Variants in ARHGAP6 observed in about 807,000 individuals in gnomAD.
The protein encoded by ARHGAP6 is Rho GTPase activating protein 6.
In ARHGAP6, 16 loss-of-function variants were observed where a neutral mutation model predicts 55.7. The ratio of observed to expected loss-of-function variants is 0.29; its 90% confidence interval spans 0.19 to 0.44. ARHGAP6 has a LOEUF of 0.44. ARHGAP6 is among the 20% of genes least tolerant of loss of function. The pLI, the probability that ARHGAP6 is intolerant of heterozygous loss-of-function variation, is 1.00. For missense variants in ARHGAP6, 698 were observed against 808.9 expected, an observed-to-expected ratio of 0.86 and a Z score of 1.66; for synonymous variants, 382 against 360.9, an observed-to-expected ratio of 1.06 and a Z score of -0.66.
intron 1 of ARHGAP6, among the ~76,000 whole-genome samples, chrX:11,635,790 C>A (rs752024369): frequency 1.7e-4 from 19 of 111,730 alleles, no homozygotes; most frequent in Non-Finnish European, 3.0e-4. Context: ...AGCAACTCAG[C>A]AAGAATGTGT....
In ARHGAP6 at chrX:11,267,119, C is replaced by T. The variant is rs1424909706; in HGVS notation, c.589-12412G>A. 1.2e-4 allele frequency among the ~76,000 whole-genome samples: 13 copies of T among 111,981 alleles called. No homozygotes were observed. The Admixed American group carries it at 1.2e-3, about 11-fold the overall frequency. ...GTCAACATGGCTCATACTGGATACTCATCAATGGAAGTTACATCCTCATTT... is the reference window on the plus strand; with the variant it reads ...GTCAACATGGCTCATACTGGATACTTATCAATGGAAGTTACATCCTCATTT... On this transcript the variant is annotated intron_variant, in intron 1 of 12. Transcript: ENST00000337414.
intron 1 of ARHGAP6, among the ~76,000 whole-genome samples, chrX:11,365,095 AAGAGAAACAAAAAG>A (rs1328637718): frequency 8.9e-6 from 1 of 112,082 alleles, no homozygotes; most frequent in Non-Finnish European, 1.9e-5. Context: ...CCTGCTATGA[AAGAGAAACAAAAAG>A]AGATAAACTG....
intron 1 of ARHGAP6, among the ~76,000 whole-genome samples, chrX:11,389,948 A>C (rs2049382293): frequency 8.9e-6 from 1 of 112,042 alleles, no homozygotes; most frequent in Non-Finnish European, 1.9e-5. Context: ...CTAGAAGTCT[A>C]TTCTAGAGAA....
intron 1 of ARHGAP6, among the ~76,000 whole-genome samples, chrX:11,456,658 A>G (rs1404410647): frequency 9.0e-6 from 1 of 111,637 alleles, no homozygotes; most frequent in African/African-American, 3.3e-5. Context: ...TCTGCATACC[A>G]CAGTACGTGA....
At chrX:11,298,091 T>C in intron 1 of ARHGAP6, 2 of 1,211,215 alleles carry the variant, frequency 1.7e-6, no homozygotes, top group Non-Finnish European at 2.2e-6. Context: ...TACCTTCTTC[T>C]TTCTTTTGTA....
chrX:11,584,645 T>C (rs780117169), intron 1 of ARHGAP6, among the ~76,000 whole-genome samples: 1 of 111,598 alleles, frequency 9.0e-6, no homozygotes, highest in South Asian at 3.8e-4. Flanking sequence ...GTTGGAGTAT[T>C]ATGAATTGCC....
chrX:11,288,786 A>T (rs959419688), intron 1 of ARHGAP6, among the ~76,000 whole-genome samples: 6 of 112,033 alleles, frequency 5.4e-5, no homozygotes, highest in Non-Finnish European at 1.1e-4. Flanking sequence ...TCCTTCACTG[A>T]ATGTAATGTT....
At chrX:11,360,082 G>T (rs2147690498) in intron 1 of ARHGAP6, among the ~76,000 whole-genome samples, 1 of 111,540 alleles carries the variant, frequency 9.0e-6, no homozygotes, top group South Asian at 3.8e-4. Context: ...GAGGTACAAG[G>T]AGGAACCAGT....
chrX:11,174,641 T>TTCTTTCTCTTTCTTTTCTG (rs1339732506), intron 8 of ARHGAP6, among the ~76,000 whole-genome samples: 2 of 79,726 alleles, frequency 2.5e-5, no homozygotes, highest in Admixed American at 1.5e-4. Flanking sequence ...CTTTCTTTCT[T>TTCTTTCTCTTTCTTTTCTG]TCTTTCTTTC....
intron 1 of ARHGAP6, among the ~76,000 whole-genome samples, chrX:11,596,268 T>A (rs751291926): frequency 3.0e-4 from 34 of 112,003 alleles, no homozygotes; most frequent in African/African-American, 1.1e-3. Flanking sequence ...TTCATGTCCT[T>A]TGCAGGGACG....
chrX:11,422,137 T>C (rs1490631214), intron 1 of ARHGAP6, among the ~76,000 whole-genome samples: 1 of 110,785 alleles, frequency 9.0e-6, no homozygotes, highest in Non-Finnish European at 1.9e-5. Context: ...TACCAAGTGG[T>C]GATGTGAACA....
At chrX:11,607,379 C>G (rs1305252994) in intron 1 of ARHGAP6, among the ~76,000 whole-genome samples, 1 of 111,406 alleles carries the variant, frequency 9.0e-6, no homozygotes, top group African/African-American at 3.3e-5. Context: ...TCTGAAGTAC[C>G]CCGAAAAGGC....
At chrX:11,520,393 T>C (rs184181995) in intron 1 of ARHGAP6, among the ~76,000 whole-genome samples, 1 of 104,287 alleles carries the variant, frequency 9.6e-6, no homozygotes, top group East Asian at 3.1e-4. Context: ...TTTCGACCTA[T>C]GAGTGAGAAC....
chrX:11,527,479 G>A (rs1423123785), intron 1 of ARHGAP6, among the ~76,000 whole-genome samples: 3 of 111,517 alleles, frequency 2.7e-5, no homozygotes, highest in African/African-American at 9.8e-5. Flanking sequence ...GGGTGTGGTG[G>A]CACACGCCTA....
At chrX:11,191,213 G>A (rs756709005) in intron 3 of ARHGAP6, among the ~76,000 whole-genome samples, 39 of 112,240 alleles carry the variant, frequency 3.5e-4, no homozygotes, top group African/African-American at 9.7e-4. Flanking sequence ...TAAGGTGCTC[G>A]CATTCAGCGT....
intron 1 of ARHGAP6, among the ~76,000 whole-genome samples, chrX:11,608,285 T>A (rs1053544622): frequency 4.5e-5 from 5 of 111,934 alleles, no homozygotes; most frequent in Non-Finnish European, 1.9e-5. Context: ...TTCTGGTACA[T>A]TTTAGTGTTC....
intron 1 of ARHGAP6, among the ~76,000 whole-genome samples, chrX:11,341,340 C>G (rs1331912092): frequency 4.5e-5 from 5 of 111,203 alleles, no homozygotes; most frequent in African/African-American, 1.6e-4. Context: ...TGTTCATGGT[C>G]AAAGTACTGA....
chrX:11,303,405 G>A (rs1447616118), intron 1 of ARHGAP6, among the ~76,000 whole-genome samples: 4 of 111,894 alleles, frequency 3.6e-5, no homozygotes, highest in African/African-American at 1.3e-4. Flanking sequence ...AATAAGATTG[G>A]GCTGGGAGTG....
chrX:11,441,868 T>G (rs935326435), intron 1 of ARHGAP6, among the ~76,000 whole-genome samples: 1 of 110,569 alleles, frequency 9.0e-6, no homozygotes, highest in African/African-American at 3.3e-5. Flanking sequence ...TGCCAGGTTT[T>G]TTTTTTTTCC....
Sources: allele counts gnomAD v4.1 joint callset (sites outside exome capture counted in the v4.1 genomes callset), GRCh38; gene constraint gnomAD v4.1.1; transcripts MANE v1.5; gene names NCBI Gene and HGNC (gene_info 2026-07-23, HGNC 2026-07-21).